Variants in KLHL1 observed in about 807,000 individuals in gnomAD.
KLHL1 encodes kelch like family member 1.
Under a neutral mutation model 77.7 loss-of-function variants are expected in KLHL1, and 47 were observed. The ratio of observed to expected loss-of-function variants is 0.60; its 90% CI spans 0.48 to 0.77. The LOEUF (loss-of-function observed/expected upper bound fraction) is 0.77. Among genes scored for constraint, KLHL1 ranks in the 30% least tolerant of loss-of-function variants. The pLI is 0.00. For missense variants in KLHL1, 925 were observed against 910.8 expected (o/e 1.02, Z -0.20); for synonymous variants, 360 against 325.2 (o/e 1.11, Z -1.15).
Position 69,778,628 on chromosome 13 carries a change from G to A in KLHL1, c.1639+18110C>T, listed in dbSNP as rs181687090. On this transcript the variant is annotated intron_variant, in intron 7 of 10. Coordinates refer to ENST00000377844, the MANE Select transcript of KLHL1 (RefSeq NM_020866.3). The stretch of plus-strand genomic sequence containing the variant: ...TTTTGTGGTATAAAATTTTGCCTCT[G>A]GAAATGAGTAACAGGTTAGGTAAAA... 1.3e-3 allele frequency among the ~76,000 whole-genome samples: 192 copies of A among 152,004 alleles called. 1 individual carries two copies. Among genetic ancestry groups the A allele is most frequent in the Non-Finnish European group, 9.6e-4 (65 of 67,978 alleles).
intron 1 of KLHL1, among the ~76,000 whole-genome samples, chr13:70,012,719 G>T (rs1251085757): frequency 6.6e-6 from 1 of 151,930 alleles, no homozygotes; most frequent in Non-Finnish European, 1.5e-5. Flanking sequence ...GACCATCCTG[G>T]CTAACATGGT....
chr13:70,088,167 C>T (rs1373190708), intron 1 of KLHL1, among the ~76,000 whole-genome samples: 1 of 151,950 alleles, frequency 6.6e-6, no homozygotes, highest in Non-Finnish European at 1.5e-5. Context: ...TGATTTTTTT[C>T]CAGCTTTATG....
chr13:69,793,276 T>A (rs1413194427), intron 7 of KLHL1, among the ~76,000 whole-genome samples: 1 of 152,080 alleles, frequency 6.6e-6, no homozygotes. Context: ...ACTTAAGTGA[T>A]AAAATAAAAA....
At chr13:69,879,242 C>CTTTT (rs2138190764) in intron 5 of KLHL1, among the ~76,000 whole-genome samples, 1 of 152,164 alleles carries the variant, frequency 6.6e-6, no homozygotes, top group South Asian at 2.1e-4. Flanking sequence ...GTGATTACTT[C>CTTTT]AGTAGTATAT....
At chr13:69,809,875 GA>G (rs57005049) in intron 6 of KLHL1, among the ~76,000 whole-genome samples, 283 of 141,106 alleles carry the variant, frequency 2.0e-3, no homozygotes, top group African/African-American at 4.6e-3. Flanking sequence ...TATGCAAATG[GA>G]AAAAAAAAAA....
At chr13:69,713,614 T>A (rs1875978967) in intron 9 of KLHL1, among the ~76,000 whole-genome samples, 1 of 152,186 alleles carries the variant, frequency 6.6e-6, no homozygotes. Context: ...CACATTGGAT[T>A]TATATACATG....
intron 5 of KLHL1, among the ~76,000 whole-genome samples, chr13:69,876,434 A>T (rs142474478): frequency 2.6e-5 from 4 of 152,312 alleles, no homozygotes; most frequent in African/African-American, 9.6e-5. Flanking sequence ...GGAATAATTT[A>T]TTCAGCTTTA....
At chr13:70,068,502 T>C (rs1415177394) in intron 1 of KLHL1, among the ~76,000 whole-genome samples, 3 of 152,276 alleles carry the variant, frequency 2.0e-5, no homozygotes, top group Admixed American at 6.5e-5. Flanking sequence ...ATATTTGAGT[T>C]TCAGACCCAA....
At chr13:69,933,851 C>T (rs946474996) in intron 4 of KLHL1, among the ~76,000 whole-genome samples, 1 of 151,860 alleles carries the variant, frequency 6.6e-6, no homozygotes, top group African/African-American at 2.4e-5. Flanking sequence ...TCTTATTTCT[C>T]TTTCAGGTTC....
chr13:69,903,289 T>A (rs549880838), intron 4 of KLHL1, among the ~76,000 whole-genome samples: 1 of 152,136 alleles, frequency 6.6e-6, no homozygotes, highest in Non-Finnish European at 1.5e-5. Flanking sequence ...ACTTGCCTTT[T>A]GAAAGAAATA....
At chr13:69,953,645 T>C (rs1883781146) in intron 3 of KLHL1, among the ~76,000 whole-genome samples, 1 of 151,052 alleles carries the variant, frequency 6.6e-6, no homozygotes. Context: ...TAAAAATCCA[T>C]CTCAAATACA....
At chr13:69,879,166 G>T (rs1010360263) in intron 5 of KLHL1, among the ~76,000 whole-genome samples, 1 of 152,098 alleles carries the variant, frequency 6.6e-6, no homozygotes, top group Admixed American at 6.5e-5. Flanking sequence ...TAACAAACCT[G>T]CACGTTGTGC....
chr13:69,992,952 TGTCA>T (rs1334645408), intron 1 of KLHL1, among the ~76,000 whole-genome samples: 1 of 151,932 alleles, frequency 6.6e-6, no homozygotes, highest in Non-Finnish European at 1.5e-5. Context: ...TTTCTTACAG[TGTCA>T]GTAACTCAGC....
intron 7 of KLHL1, among the ~76,000 whole-genome samples, chr13:69,789,865 G>C (rs1876779618): frequency 6.6e-6 from 1 of 152,050 alleles, no homozygotes; most frequent in Non-Finnish European, 1.5e-5. Context: ...ATTGTCAAAG[G>C]TTGAAGCAAC....
intron 7 of KLHL1, among the ~76,000 whole-genome samples, chr13:69,795,560 T>C (rs1005050492): frequency 2.6e-5 from 4 of 152,214 alleles, no homozygotes; most frequent in African/African-American, 7.2e-5. Context: ...GAACTGTTAG[T>C]CTTTATTAAA....
chr13:69,915,214 A>C (rs1882384887), intron 4 of KLHL1, among the ~76,000 whole-genome samples: 1 of 152,172 alleles, frequency 6.6e-6, no homozygotes, highest in South Asian at 2.1e-4. Flanking sequence ...GCTACCAATG[A>C]CTTTCTTCAC....
chr13:69,807,346 T>C (rs1877659417), intron 6 of KLHL1, among the ~76,000 whole-genome samples: 1 of 152,122 alleles, frequency 6.6e-6, no homozygotes, highest in African/African-American at 2.4e-5. Context: ...TGGCAGCAGC[T>C]GCTGCCTAGC....
chr13:69,794,099 T>C (rs1002338258), intron 7 of KLHL1, among the ~76,000 whole-genome samples: 2 of 152,148 alleles, frequency 1.3e-5, no homozygotes, highest in Admixed American at 1.3e-4. Flanking sequence ...TACCTTCTCA[T>C]TTAAGCTACC....
At chr13:69,811,178 G>A (rs369606491) in intron 6 of KLHL1, among the ~76,000 whole-genome samples, 62 of 151,848 alleles carry the variant, frequency 4.1e-4, no homozygotes, top group East Asian at 2.5e-3. Context: ...TAACAACAAC[G>A]AAACTACAGG....
Sources: gnomAD v4.1 joint callset for allele counts (sites outside exome capture counted in the v4.1 genomes callset) on GRCh38, gnomAD v4.1.1 for gene constraint, MANE v1.5 for transcripts, NCBI Gene and HGNC (gene_info 2026-07-23, HGNC 2026-07-21) for gene names.